SECTM1: variants seen among roughly 807,000 people sequenced by gnomAD.
The protein encoded by SECTM1 is secreted and transmembrane 1, also known as secreted and transmembrane protein 1.
Under a neutral mutation model 18.1 loss-of-function variants are expected in SECTM1, and 10 were observed. The observed-to-expected ratio is 0.55, with a 90% CI of 0.34 to 0.94. The LOEUF (loss-of-function observed/expected upper bound fraction) is 0.94, where lower values mean the gene tolerates loss of function less well. Among genes scored for constraint, SECTM1 ranks in the 40% least tolerant of loss-of-function variants. SECTM1 has a pLI of 0.02. For missense variants in SECTM1, 297 were observed against 322.6 expected (o/e 0.92, Z 0.61); for synonymous variants, 137 against 139.2 (o/e 0.98, Z 0.11).
rs772552191 is a variant in SECTM1, at chr17:82,324,691, G to A, written c.294C>T (p.Gly98=). The change falls in exon 3 of 5, where the codon GGC becomes GGT. Residue 98 remains glycine, a synonymous_variant. Transcript: ENST00000269389. ...CGCCTTTGATCACCAGCTGTGCCACGCCTCCCTGAACCTGGAGCTGCCAGC... is the reference window on the plus strand; with the variant it reads ...CGCCTTTGATCACCAGCTGTGCCACACCTCCCTGAACCTGGAGCTGCCAGC... ...RDGWQLQVQG[G]VAQLVIKGAR... is the part of the protein sequence containing the mutation. 9.3e-6 allele frequency: 15 copies of A among 1,613,974 alleles called. No individual in the cohort carries two copies. The highest frequency in any genetic ancestry group is 4.5e-5 in the East Asian group (2 of 44,890).
chr17:82,322,849 C>G, intron 4 of SECTM1, 29 bp downstream of exon 4: 1 of 1,611,644 alleles, frequency 6.2e-7, no homozygotes, highest in Non-Finnish European at 8.5e-7. Flanking sequence ...CTCCCCACCC[C>G]GCACAAACTG....
chr17:82,331,135 G>C (rs895037948), intron 1 of SECTM1, among the ~76,000 whole-genome samples: 2 of 152,088 alleles, frequency 1.3e-5, no homozygotes, highest in Non-Finnish European at 2.9e-5. Context: ...GCAGGTGGCG[G>C]TGCCCTTCCT....
Position 82,328,641 on chromosome 17 carries a change from T to C in SECTM1, c.-52-1349A>G, listed in dbSNP as rs911539305. ...GTGCTTTTGCATGAACCTGTTGACG[T>C]TCCTGCTGGACTTTGAAAGGGACCA... On this transcript the variant is annotated intron_variant, in intron 1 of 4. Coordinates refer to ENST00000269389, the MANE Select transcript of SECTM1 (RefSeq NM_003004.3). The surrounding 1 kb of genome is among the most constrained non-coding windows in gnomAD (Gnocchi z 5.8). 6.6e-6 allele frequency: 1 copy of C among 152,330 alleles called. No homozygotes were observed. The highest frequency in any genetic ancestry group is 1.5e-5 in the Non-Finnish European group (1 of 68,116). 9.4% of individuals were successfully genotyped at this position (152,330 alleles called of 1,614,324 possible).
rs1278415535 is a variant in SECTM1, at chr17:82,329,057, G to A, written c.-52-1765C>T. ...ACCAGAAAGTGTCACAGCAGGACAC[G>A]TCACCAACCCCGGGGACCCCATGTT... is the stretch of plus-strand genomic sequence containing the variant. On this transcript the variant is annotated intron_variant, in intron 1 of 4. Transcript: ENST00000269389. This position sits in a 1 kb window ranked among gnomAD's most constrained non-coding sequence, Gnocchi z 7.6. Among the ~76,000 whole-genome samples, 1 of 152,210 alleles carries A rather than the reference G, an allele frequency of 6.6e-6. No individual in the cohort carries two copies. The highest frequency in any genetic ancestry group is 6.5e-5 in the Admixed American group (1 of 15,294).
At position 82,327,208 on chromosome 17, in the gene SECTM1, G is replaced by A. The variant is rs368869243; in HGVS notation, c.33C>T (p.His11=). 24 of 1,612,106 alleles carry A rather than the reference G, an allele frequency of 1.5e-5. No individual in the cohort carries two copies. The African/African-American group carries it at 1.9e-4, about 13-fold the overall frequency. MQTCPLAFPG[H]VSQALGTLLF... ...GGAGGGTCCCAAGGGCCTGGGAAAC[G>A]TGGCCAGGGAATGCCAGGGGGCAGG... Residue 11 remains histidine, a synonymous_variant, in exon 2 of 5, where the codon CAC becomes CAT. Coordinates refer to ENST00000269389, the MANE Select transcript of SECTM1 (RefSeq NM_003004.3).
rs1269000607 is a variant in SECTM1, at chr17:82,326,929, C to G, written c.94+218G>C. Among the ~76,000 whole-genome samples the G allele has an allele frequency of 6.6e-6, 1 of 151,946 alleles. No homozygotes were observed. Among genetic ancestry groups the G allele is most frequent in the Non-Finnish European group, 1.5e-5 (1 of 67,982 alleles). On this transcript the variant is annotated intron_variant, in intron 2 of 4. Transcript: ENST00000269389. The surrounding 1 kb of genome is among the most constrained non-coding windows in gnomAD (Gnocchi z 4.3). ...GCCCTCCACCCACGGCGGGACACGG[C>G]CCACTCACCACCACCCTCCACCCAC...
intron 1 of SECTM1, among the ~76,000 whole-genome samples, chr17:82,333,234 C>T (rs1270836291): frequency 6.6e-6 from 1 of 152,216 alleles, no homozygotes; most frequent in African/African-American, 2.4e-5. Flanking sequence ...TTGGTCGCAG[C>T]GACGGCGCAG....
rs2052138028 is a variant in SECTM1 at position 82,325,456 on chromosome 17, CT to C, written c.95-567del. 6.6e-6 allele frequency among the ~76,000 whole-genome samples: 1 copy of C among 152,226 alleles called. No homozygotes were observed. Among genetic ancestry groups the C allele is most frequent in the Non-Finnish European group, 1.5e-5 (1 of 68,028 alleles). On this transcript the variant is annotated intron_variant, in intron 2 of 4. Coordinates refer to ENST00000269389, the MANE Select transcript of SECTM1 (RefSeq NM_003004.3). This position sits in a 1 kb window ranked among gnomAD's most constrained non-coding sequence, Gnocchi z 7.6. ...GAGCAGACATGGGTTCCAGCCTGTC[CT>C]TGTGGGGCCCAGCCTGCTTGTGCCA...
rs993235579 is a variant in SECTM1 at position 82,322,677 on chromosome 17, G to A, written c.537+201C>T. On this transcript the variant is annotated intron_variant, in intron 4 of 4. Coordinates refer to ENST00000269389, the MANE Select transcript of SECTM1 (RefSeq NM_003004.3). ...TGAGAGCTTGCAGGAAGGGCAGGGC[G>A]GGTCTGGGTGGGGAGCCTGGCTCTG... is the stretch of plus-strand genomic sequence containing the variant. Among the ~76,000 whole-genome samples, 95 of 152,154 alleles carry A rather than the reference G, an allele frequency of 6.2e-4. 1 individual carries two copies. Among genetic ancestry groups the A allele is most frequent in the African/African-American group, 2.0e-3 (81 of 41,420 alleles).
In SECTM1 at chr17:82,322,265, C is replaced by G; in HGVS notation, c.643G>C (p.Glu215Gln). 1.2e-6 allele frequency: 2 copies of G among 1,609,852 alleles called. No individual in the cohort carries two copies. Among genetic ancestry groups the G allele is most frequent in the Non-Finnish European group, 1.7e-6 (2 of 1,177,258 alleles). ...AGTGCCAGCGGCCTTGGGGTGGGCT[C>G]GGAGTCTGGGGTCCACAGTTCAGCG... ...ASAELWTPDS[E>Q]PTPRPLALVF... Residue 215 changes from glutamate to glutamine, a missense_variant, in exon 5 of 5, where the codon GAG (glutamate) becomes CAG (glutamine). Transcript: ENST00000269389.
intron 3 of SECTM1, 71 bp downstream of exon 3, chr17:82,324,506 CCCCTG>C: frequency 7.4e-6 from 7 of 943,802 alleles, no homozygotes; most frequent in Admixed American, 2.7e-5. Context: ...CTCAGCCCTC[CCCCTG>C]CCCAGGCCCC....
At position 82,325,704 on chromosome 17, in the gene SECTM1, G is replaced by T. The variant is rs1462041853; in HGVS notation, c.95-814C>A. 6.6e-6 allele frequency among the ~76,000 whole-genome samples: 1 copy of T among 152,244 alleles called. No individual in the cohort carries two copies. The highest frequency in any genetic ancestry group is 1.5e-5 in the Non-Finnish European group (1 of 68,042). On this transcript the variant is annotated intron_variant, in intron 2 of 4. Coordinates refer to ENST00000269389, the MANE Select transcript of SECTM1 (RefSeq NM_003004.3). The surrounding 1 kb of genome is among the most constrained non-coding windows in gnomAD (Gnocchi z 7.6). ...TTGCCCCAGCAGCCAGCTCAAGGAT[G>T]CCTGAGATTCAGGCCGTCGGGCCCG...
In SECTM1 at chr17:82,329,750, C is replaced by T. The variant is rs920111075; in HGVS notation, c.-52-2458G>A. The stretch of plus-strand genomic sequence containing the variant: ...GGAATCTGTCCCTCTCCGTCTCCAG[C>T]GTCCAGAGGCATCCGCATCCCTCGG... On this transcript the variant is annotated intron_variant, in intron 1 of 4. Transcript: ENST00000269389. This position sits in a 1 kb window ranked among gnomAD's most constrained non-coding sequence, Gnocchi z 7.6. 1.3e-5 allele frequency among the ~76,000 whole-genome samples: 2 copies of T among 152,122 alleles called. No individual in the cohort carries two copies. The highest frequency in any genetic ancestry group is 2.4e-5 in the African/African-American group (1 of 41,416).
At position 82,329,887 on chromosome 17, in the gene SECTM1, C is replaced by T. The variant is rs149057313; in HGVS notation, c.-52-2595G>A. ...GAGACCCTGTGATGGCATCAAGGGC[C>T]CCCCTGGGTGACCCAGGACACATGC... On this transcript the variant is annotated intron_variant, in intron 1 of 4. Coordinates refer to ENST00000269389, the MANE Select transcript of SECTM1 (RefSeq NM_003004.3). The surrounding 1 kb of genome is among the most constrained non-coding windows in gnomAD (Gnocchi z 7.6). 2.0e-5 allele frequency among the ~76,000 whole-genome samples: 3 copies of T among 152,288 alleles called. No homozygotes were observed. The East Asian group carries it at 5.8e-4, about 29-fold the overall frequency.
chr17:82,329,367 A>G lies in SECTM1; in HGVS notation c.-52-2075T>C, dbSNP rs73999887. Reference sequence around the variant, plus strand: ...CAACCCCGAGGTGCTGCTGAGGCTCAGGGATGGTCCCACATTGGCGCAGGC... The same window carrying G: ...CAACCCCGAGGTGCTGCTGAGGCTCGGGGATGGTCCCACATTGGCGCAGGC... On this transcript the variant is annotated intron_variant, in intron 1 of 4. Coordinates refer to ENST00000269389, the MANE Select transcript of SECTM1 (RefSeq NM_003004.3). The surrounding 1 kb of genome is among the most constrained non-coding windows in gnomAD (Gnocchi z 7.6). 9,301 of 152,512 alleles carry G rather than the reference A, an allele frequency of 0.061. 388 individuals carry two copies. The highest frequency in any genetic ancestry group is 0.11 in the African/African-American group (4,502 of 41,542). 9.4% of individuals were successfully genotyped at this position (152,512 alleles called of 1,614,324 possible). A position where few individuals can be genotyped will look rare whatever the true frequency, so the allele number is the denominator to read the frequency against.
intron 2 of SECTM1, 113 bp downstream of exon 2, chr17:82,327,034 T>C (rs2052152233): frequency 3.9e-6 from 3 of 765,172 alleles, no homozygotes; most frequent in Non-Finnish European, 6.5e-6. Flanking sequence ...GAGTCAGTCA[T>C]TATCGGGGGT....
rs748402165 is a variant in SECTM1 at position 82,322,265 on chromosome 17, C to T, written c.643G>A (p.Glu215Lys). 6 of 1,609,852 alleles carry T rather than the reference C, an allele frequency of 3.7e-6. No homozygotes were observed. The Admixed American group carries it at 6.7e-5, about 18-fold the overall frequency. ...AGTGCCAGCGGCCTTGGGGTGGGCT[C>T]GGAGTCTGGGGTCCACAGTTCAGCG... ...ASAELWTPDS[E>K]PTPRPLALVF... Residue 215 changes from glutamate (E) to lysine (K), a missense_variant, in exon 5 of 5, where the codon GAG becomes AAG. Coordinates refer to ENST00000269389, the MANE Select transcript of SECTM1 (RefSeq NM_003004.3).
chr17:82,333,892 A>T (rs530222730), upstream of SECTM1: 1 of 152,426 alleles, frequency 6.6e-6, no homozygotes, highest in African/African-American at 2.4e-5. Context: ...GTTCACAACA[A>T]GCGTGACGGT....
chr17:82,323,164 G>A, intron 3 of SECTM1, 153 bp from the exon 4 acceptor site: 2 of 858,962 alleles, frequency 2.3e-6, no homozygotes, highest in South Asian at 1.8e-5. Flanking sequence ...AGGTACAGGG[G>A]TGGGAGGGAG....
Sources: allele counts gnomAD v4.1 joint callset (sites outside exome capture counted in the v4.1 genomes callset), GRCh38; gene constraint gnomAD v4.1.1; non-coding constraint Gnocchi (gnomAD v3.1); transcripts MANE v1.5; gene names NCBI Gene and HGNC (gene_info 2026-07-23, HGNC 2026-07-21).